Variants in SLC10A6 observed in about 807,000 individuals in gnomAD.
SLC10A6 encodes the protein sodium-dependent organic anion transporter.
SLC10A6 carries 27 observed loss-of-function variants against 30.0 expected under a neutral mutation model. The observed-to-expected ratio is 0.90, with a 90% CI of 0.66 to 1.24. The LOEUF is 1.24. Among genes scored for constraint, SLC10A6 ranks in the 50% most tolerant of loss-of-function variants. The probability of loss-of-function intolerance (pLI) is 0.00; values close to 1 mark genes in which losing one functional copy is unlikely to be tolerated. For missense variants in SLC10A6, 439 were observed against 457.0 expected (o/e 0.96, Z 0.36); for synonymous variants, 166 against 173.8 (o/e 0.95, Z 0.36).
intron 1 of SLC10A6, 102 bp from the exon 2 acceptor site, chr4:86,833,526 A>T: frequency 1.2e-6 from 1 of 804,240 alleles, no homozygotes; most frequent in South Asian, 1.7e-5. Flanking sequence ...TAGAGATTAC[A>T]TGGACTAAGC....
At chr4:86,828,848 A>C (rs1407943560) in intron 3 of SLC10A6, among the ~76,000 whole-genome samples, 1 of 152,216 alleles carries the variant, frequency 6.6e-6, no homozygotes, top group African/African-American at 2.4e-5. Context: ...TAAAATAGGA[A>C]GAAAGCATAA....
Position 86,832,810 on chromosome 4 carries a change from T to A in SLC10A6, c.496+496A>T, listed in dbSNP as rs561122074. On this transcript the variant is annotated intron_variant, in intron 2 of 5. Transcript: ENST00000273905. ...CATGTAGATGAGTTTTCATAATCAG[T>A]AAGAATTATTTACATTCAACCTCCA... Among the ~76,000 whole-genome samples, 8 of 152,196 alleles carry A rather than the reference T, an allele frequency of 5.3e-5. No individual in the cohort carries two copies. In the East Asian group the frequency reaches 1.5e-3, roughly 29 times the overall value.
intron 1 of SLC10A6, among the ~76,000 whole-genome samples, chr4:86,847,762 AT>A (rs1297149249): frequency 6.6e-6 from 1 of 152,246 alleles, no homozygotes; most frequent in Non-Finnish European, 1.5e-5. Flanking sequence ...ATTACCTCTG[AT>A]TCATTCATTC....
chr4:86,825,326 G>A lies in SLC10A6; in HGVS notation c.919+94C>T, dbSNP rs1745960270. 23 of 1,178,352 alleles carry A rather than the reference G, an allele frequency of 2.0e-5. No individual in the cohort carries two copies. The South Asian group carries it at 2.1e-4, about 11-fold the overall frequency. The allele number at this position is 1,178,352 out of a possible 1,614,324, so 73.0% of individuals were successfully genotyped here. ...GGCTTTCAAAAAGTGTATCACAGGG[G>A]CAGCACATGCAAGTTTGGATTGAAA... On this transcript the variant is annotated intron_variant, in intron 5 of 5. Coordinates refer to ENST00000273905, the MANE Select transcript of SLC10A6 (RefSeq NM_197965.3).
chr4:86,848,128 C>T (rs909380253), intron 1 of SLC10A6, among the ~76,000 whole-genome samples: 3 of 152,162 alleles, frequency 2.0e-5, no homozygotes, highest in Non-Finnish European at 2.9e-5. Context: ...ATGATGTTAA[C>T]GATCTGCAAA....
intron 1 of SLC10A6, among the ~76,000 whole-genome samples, chr4:86,844,302 AACT>A (rs1397103103): frequency 6.6e-6 from 1 of 152,220 alleles, no homozygotes; most frequent in Non-Finnish European, 1.5e-5. Context: ...CAGAGCCCTT[AACT>A]ACTACACCGT....
chr4:86,841,414 C>T (rs1353146179), intron 1 of SLC10A6, among the ~76,000 whole-genome samples: 1 of 152,126 alleles, frequency 6.6e-6, no homozygotes, highest in African/African-American at 2.4e-5. Context: ...GAAAGTCACG[C>T]CTTGTATTTT....
rs1746432678 is a variant in SLC10A6 at position 86,848,722 on chromosome 4, T to A, written c.377+17A>T. On this transcript the variant is annotated intron_variant, in intron 1 of 5. Transcript: ENST00000273905. ...AGGATAAGAGACAGACTGCTGAGCT[T>A]CCCTGGGGTTACTTACCTGAGATCC... 6 of 1,561,428 alleles carry A rather than the reference T, an allele frequency of 3.8e-6. No individual in the cohort carries two copies. Among genetic ancestry groups the A allele is most frequent in the Non-Finnish European group, 3.5e-6 (4 of 1,154,970 alleles).
In SLC10A6 at chr4:86,827,629, AT is replaced by A. The variant is rs141763565; in HGVS notation, c.761+363del. Among the ~76,000 whole-genome samples the A allele has an allele frequency of 9.8e-3, 1,494 of 152,278 alleles. 39 individuals carry two copies. Among genetic ancestry groups the A allele is most frequent in the African/African-American group, 0.034 (1,425 of 41,550 alleles). ...TACTAAAGAACTAAAATTATCCTTAATTTCGCTACTCAAAATTAAACATTGT... is the reference window on the plus strand; with the variant it reads ...TACTAAAGAACTAAAATTATCCTTAATTCGCTACTCAAAATTAAACATTGT... On this transcript the variant is annotated intron_variant, in intron 4 of 5. Coordinates refer to ENST00000273905, the MANE Select transcript of SLC10A6 (RefSeq NM_197965.3).
chr4:86,842,952 A>T (rs1301236052), intron 1 of SLC10A6, among the ~76,000 whole-genome samples: 1 of 147,446 alleles, frequency 6.8e-6, no homozygotes, highest in Admixed American at 6.8e-5. Context: ...GCTCACAGCA[A>T]CCTCTGCCTC....
intron 3 of SLC10A6, among the ~76,000 whole-genome samples, chr4:86,831,244 A>G (rs1578755073): frequency 2.6e-5 from 4 of 152,356 alleles, no homozygotes; most frequent in Admixed American, 2.0e-4. Context: ...TCTAGTCACC[A>G]TCATTCCATA....
At chr4:86,823,971 C>T in intron 5 of SLC10A6, 69 bp from the exon 6 acceptor site, 7 of 1,369,398 alleles carry the variant, frequency 5.1e-6, no homozygotes, top group South Asian at 1.4e-5. Context: ...ACACTGTACA[C>T]TTGTCAATCC....
chr4:86,833,182 T>C, intron 2 of SLC10A6, 124 bp downstream of exon 2: 1 of 699,868 alleles, frequency 1.4e-6, no homozygotes, highest in Non-Finnish European at 2.4e-6. Flanking sequence ...TGTAGGGTTC[T>C]TTAAGGGATT....
chr4:86,845,451 C>A (rs190047751), intron 1 of SLC10A6, among the ~76,000 whole-genome samples: 1 of 152,092 alleles, frequency 6.6e-6, no homozygotes, highest in Non-Finnish European at 1.5e-5. Context: ...TGTTGAGAAG[C>A]CTTTGTATGT....
At chr4:86,828,514 T>C (rs1407809273) in intron 3 of SLC10A6, among the ~76,000 whole-genome samples, 1 of 151,900 alleles carries the variant, frequency 6.6e-6, no homozygotes, top group Non-Finnish European at 1.5e-5. Flanking sequence ...ACAATGAGCT[T>C]CCAACACCCC....
chr4:86,845,679 G>A lies in SLC10A6; in HGVS notation c.377+3060C>T, dbSNP rs573753892. On this transcript the variant is annotated intron_variant, in intron 1 of 5. Coordinates refer to ENST00000273905, the MANE Select transcript of SLC10A6 (RefSeq NM_197965.3). ...ATTAGCCAAGAAAGAAATTGTGAGG[G>A]CCTGACCTGAGGAAGTGTTAGTGGA... Among the ~76,000 whole-genome samples the A allele has an allele frequency of 2.6e-5, 4 of 152,290 alleles. No homozygotes were observed. In the South Asian group the frequency reaches 8.3e-4, roughly 32 times the overall value.
rs748129264 is a variant in SLC10A6, at chr4:86,825,492, A to C, written c.847T>G (p.Leu283Val). The C allele has an allele frequency of 1.2e-6, 2 of 1,613,160 alleles. No homozygotes were observed. Among genetic ancestry groups the C allele is most frequent in the Non-Finnish European group, 1.7e-6 (2 of 1,179,218 alleles). Residue 283 changes from leucine to valine, a missense_variant, in exon 5 of 6, where the codon TTG becomes GTG. Coordinates refer to ENST00000273905, the MANE Select transcript of SLC10A6 (RefSeq NM_197965.3). The stretch of plus-strand genomic sequence containing the variant: ...AGTGGGAAACTCAACATCTGGACCA[A>C]GTGCTCAGCAGTGAAAGATAACTGG... ...MLQLSFTAEH[L>V]VQMLSFPLAY...
chr4:86,848,658 G>C (rs903669231), intron 1 of SLC10A6, 81 bp downstream of exon 1: 11 of 1,439,056 alleles, frequency 7.6e-6, no homozygotes, highest in South Asian at 1.4e-5. Flanking sequence ...AAGATTAGAA[G>C]AGTGTTTAAC....
At position 86,842,786 on chromosome 4, in the gene SLC10A6, TTTTC is replaced by T. The variant is rs757772118; in HGVS notation, c.377+5949_377+5952del. Among the ~76,000 whole-genome samples, 564 of 106,634 alleles carry T rather than the reference TTTTC, an allele frequency of 5.3e-3. 8 individuals carry two copies. The highest frequency in any genetic ancestry group is 9.6e-3 in the Middle Eastern group (2 of 208). 70.0% of individuals were successfully genotyped at this position (106,634 alleles called of 152,430 possible). A position where few individuals can be genotyped will look rare whatever the true frequency, so the allele number is the denominator to read the frequency against. On this transcript the variant is annotated intron_variant, in intron 1 of 5. Transcript: ENST00000273905. ...AGTTGCATCAATAAATGGACACCTC[TTTTC>T]TTTCTTTCTTTCTTTCTTTCTTTCT...
Sources: gnomAD v4.1 joint callset for allele counts (sites outside exome capture counted in the v4.1 genomes callset) on GRCh38, gnomAD v4.1.1 for gene constraint, MANE v1.5 for transcripts, NCBI Gene and HGNC (gene_info 2026-07-23, HGNC 2026-07-21) for gene names.